ADAMTS6: variants seen among roughly 807,000 people sequenced by gnomAD.
ADAMTS6 encodes ADAM metallopeptidase with thrombospondin type 1 motif 6, also known as A disintegrin and metalloproteinase with thrombospondin motifs 6.
A neutral mutation model predicts 144.3 loss-of-function variants in ADAMTS6; 23 were observed. The ratio of observed to expected loss-of-function variants is 0.16; its 90% CI spans 0.11 to 0.23. The LOEUF (loss-of-function observed/expected upper bound fraction) is 0.23, where lower values mean the gene tolerates loss of function less well. Ranked by LOEUF, ADAMTS6 falls within the 10% of genes least tolerant of loss-of-function variation. ADAMTS6 has a pLI of 1.00. For missense variants in ADAMTS6, 999 were observed against 1,379.6 expected (o/e 0.72, Z 4.37); for synonymous variants, 444 against 457.5 (o/e 0.97, Z 0.38).
rs1253456628 is a variant in ADAMTS6 at position 65,473,873 on chromosome 5, T to A, written c.-200A>T. 1.9e-5 allele frequency: 10 copies of A among 514,178 alleles called. No homozygotes were observed. Among genetic ancestry groups the A allele is most frequent in the African/African-American group, 9.6e-5 (5 of 52,290 alleles). The allele number at this position is 514,178 out of a possible 1,614,324, so 31.9% of individuals were successfully genotyped here. The stretch of plus-strand genomic sequence containing the variant: ...CTGGATTCATTTTCTCAATCCAAAA[T>A]GAAAAAAATAATGATGGTAAAAGTT... On this transcript the variant is annotated 5_prime_UTR_variant, in exon 2 of 25. Coordinates refer to ENST00000381055, the MANE Select transcript of ADAMTS6 (RefSeq NM_197941.4).
intron 11 of ADAMTS6, among the ~76,000 whole-genome samples, chr5:65,275,365 AAGAAAGAAAG>A (rs1241387691): frequency 1.2e-5 from 1 of 80,240 alleles, no homozygotes; most frequent in Non-Finnish European, 2.9e-5. Context: ...GAAAGAAAGA[AAGAAAGAAAG>A]AAAGAAAGAA....
chr5:65,298,650 A>T (rs1743085734), intron 10 of ADAMTS6, among the ~76,000 whole-genome samples: 1 of 152,192 alleles, frequency 6.6e-6, no homozygotes, highest in Admixed American at 6.5e-5. Flanking sequence ...GTATAATCTT[A>T]TAATTTTCTG....
chr5:65,316,360 G>T (rs1377849378), intron 9 of ADAMTS6, among the ~76,000 whole-genome samples: 2 of 152,030 alleles, frequency 1.3e-5, no homozygotes, highest in South Asian at 2.1e-4. Flanking sequence ...TCCAAAAACT[G>T]CAGGATACAC....
At chr5:65,457,080 C>A (rs1759266129) in intron 4 of ADAMTS6, among the ~76,000 whole-genome samples, 1 of 152,170 alleles carries the variant, frequency 6.6e-6, no homozygotes, top group East Asian at 1.9e-4. Flanking sequence ...CCAGACATTT[C>A]TCAAATTTAC....
At chr5:65,424,618 C>G (rs145619941) in intron 7 of ADAMTS6, among the ~76,000 whole-genome samples, 1 of 152,194 alleles carries the variant, frequency 6.6e-6, no homozygotes, top group East Asian at 1.9e-4. Flanking sequence ...CACTAATGAT[C>G]CTATGACAGT....
At chr5:65,229,227 C>T (rs1445612590) in intron 15 of ADAMTS6, among the ~76,000 whole-genome samples, 1 of 152,040 alleles carries the variant, frequency 6.6e-6, no homozygotes, top group African/African-American at 2.4e-5. Context: ...GAATTCCTCC[C>T]CAAGAGAGAA....
chr5:65,366,009 CA>C (rs112221663), intron 7 of ADAMTS6, among the ~76,000 whole-genome samples: 2,747 of 142,342 alleles, frequency 0.019, 42 homozygotes, highest in East Asian at 0.087. Context: ...TTAAATAAAA[CA>C]AAAAAAAAAA....
At chr5:65,275,974 A>G (rs1418637901) in intron 11 of ADAMTS6, among the ~76,000 whole-genome samples, 1 of 152,120 alleles carries the variant, frequency 6.6e-6, no homozygotes, top group Non-Finnish European at 1.5e-5. Context: ...CTTTAGACAA[A>G]GGTAAAAGAA....
chr5:65,371,896 G>A (rs1478181553), intron 7 of ADAMTS6, among the ~76,000 whole-genome samples: 1 of 152,090 alleles, frequency 6.6e-6, no homozygotes, highest in Non-Finnish European at 1.5e-5. Flanking sequence ...CCCTCAAAGG[G>A]AAGCCCATCA....
At chr5:65,195,296 A>C (rs10044007) in intron 21 of ADAMTS6, among the ~76,000 whole-genome samples, 1 of 152,016 alleles carries the variant, frequency 6.6e-6, no homozygotes, top group Non-Finnish European at 1.5e-5. Context: ...AAATTTAATA[A>C]CTTGTCTTTG....
intron 23 of ADAMTS6, among the ~76,000 whole-genome samples, chr5:65,171,537 T>A: frequency 6.6e-6 from 1 of 152,176 alleles, no homozygotes; most frequent in East Asian, 1.9e-4. Context: ...ATCCTTGTGA[T>A]GAAGTAGAAT....
At chr5:65,337,291 A>T (rs964151221) in intron 7 of ADAMTS6, among the ~76,000 whole-genome samples, 3 of 152,166 alleles carry the variant, frequency 2.0e-5, no homozygotes, top group Non-Finnish European at 4.4e-5. Context: ...TAATCATTTG[A>T]GACATTTTTT....
chr5:65,324,209 A>G (rs1336360980), intron 9 of ADAMTS6, among the ~76,000 whole-genome samples: 1 of 152,204 alleles, frequency 6.6e-6, no homozygotes, highest in Non-Finnish European at 1.5e-5. Context: ...CCAACTTTTT[A>G]AAGCAAATTG....
chr5:65,419,089 C>A (rs1181008519), intron 7 of ADAMTS6, among the ~76,000 whole-genome samples: 1 of 152,162 alleles, frequency 6.6e-6, no homozygotes, highest in Non-Finnish European at 1.5e-5. Flanking sequence ...CAAAAAGACA[C>A]ACGTAATCTC....
At chr5:65,226,532 A>G (rs1757739247) in intron 15 of ADAMTS6, among the ~76,000 whole-genome samples, 1 of 151,930 alleles carries the variant, frequency 6.6e-6, no homozygotes, top group African/African-American at 2.4e-5. Context: ...CAATTTTGGT[A>G]AAAAGGGATC....
rs1252715207 is a variant in ADAMTS6 at position 65,167,652 on chromosome 5, G to A, written c.3244+2965C>T. 3.7e-3 allele frequency among the ~76,000 whole-genome samples: 469 copies of A among 127,640 alleles called. 2 individuals are homozygous for A. The highest frequency in any genetic ancestry group is 0.013 in the African/African-American group (434 of 33,596). 83.7% of individuals were successfully genotyped at this position (127,640 alleles called of 152,430 possible). ...ATCCTCAATAAAATACTGGCAAACC[G>A]AATCCAGCAGCACATCAAAAAGCTT... On this transcript the variant is annotated intron_variant, in intron 24 of 24. Coordinates refer to ENST00000381055, the MANE Select transcript of ADAMTS6 (RefSeq NM_197941.4).
chr5:65,233,549 A>G lies in ADAMTS6; in HGVS notation c.1934-7330T>C, dbSNP rs76471031. ...TTTCTATACACTAACAATTAATTAC[A>G]TAAGATAGAAATTAAGAAAACAATC... On this transcript the variant is annotated intron_variant, in intron 15 of 24. Transcript: ENST00000381055. Among the ~76,000 whole-genome samples the G allele has an allele frequency of 6.5e-3, 984 of 152,240 alleles. 19 individuals are homozygous for G. Among genetic ancestry groups the G allele is most frequent in the African/African-American group, 0.023 (943 of 41,562 alleles).
At chr5:65,457,733 TTTTC>T (rs772244836) in intron 4 of ADAMTS6, among the ~76,000 whole-genome samples, 15,249 of 144,394 alleles carry the variant, frequency 0.11, 748 homozygotes, top group African/African-American at 0.15. Context: ...ATCCTAGTTT[TTTTC>T]TTTCTTTCTT....
At chr5:65,225,146 T>C (rs1243489498) in intron 16 of ADAMTS6, 99 bp from the exon 17 acceptor site, 1 of 1,331,338 alleles carries the variant, frequency 7.5e-7, no homozygotes, top group Non-Finnish European at 1.0e-6. Flanking sequence ...GTTTTTCCAG[T>C]AAAGAAAAGA....
Sources: gnomAD v4.1 joint callset for allele counts (sites outside exome capture counted in the v4.1 genomes callset) on GRCh38, gnomAD v4.1.1 for gene constraint, MANE v1.5 for transcripts, NCBI Gene and HGNC (gene_info 2026-07-23, HGNC 2026-07-21) for gene names.